The following MACROD2 variants were observed in gnomAD, a reference collection of about 807,000 sequenced individuals.
MACROD2 encodes the protein ADP-ribose glycohydrolase MACROD2.
MACROD2 carries 36 observed loss-of-function variants against 70.4 expected under a neutral mutation model. The observed-to-expected ratio is 0.51, with a 90% CI of 0.39 to 0.68. The LOEUF (loss-of-function observed/expected upper bound fraction) is 0.68, where lower values mean the gene tolerates loss of function less well. MACROD2 is among the 30% of genes least tolerant of loss of function. MACROD2 has a pLI of 0.00. For missense variants in MACROD2, 496 were observed against 538.4 expected, an observed-to-expected ratio of 0.92 and a Z score of 0.78; for synonymous variants, 172 against 178.8, an observed-to-expected ratio of 0.96 and a Z score of 0.30.
chr20:14,735,391 C>T (rs184413230), intron 5 of MACROD2, among the ~76,000 whole-genome samples: 4 of 152,256 alleles, frequency 2.6e-5, no homozygotes, highest in Admixed American at 6.5e-5. Flanking sequence ...CATGAACAGG[C>T]GTCCACACTG....
At position 14,912,514 on chromosome 20, in the gene MACROD2, G is replaced by A. The variant is rs181767030; in HGVS notation, c.418+227555G>A. Among the ~76,000 whole-genome samples the A allele has an allele frequency of 5.9e-5, 9 of 152,204 alleles. No individual in the cohort carries two copies. In the East Asian group the frequency reaches 1.7e-3, roughly 29 times the overall value. On this transcript the variant is annotated intron_variant, in intron 5 of 17. Transcript: ENST00000684519. ...GGGGCATGCCAGCTAGTCTTCAAGG[G>A]AATTTTCTAGTATTTCTCCTAACAC...
At chr20:15,884,942 C>G (rs771620997) in intron 9 of MACROD2, among the ~76,000 whole-genome samples, 1 of 151,982 alleles carries the variant, frequency 6.6e-6, no homozygotes, top group Non-Finnish European at 1.5e-5. Context: ...TCTCTTAGGT[C>G]TCTTTTATAA....
intron 3 of MACROD2, among the ~76,000 whole-genome samples, chr20:14,311,312 A>G (rs551424501): frequency 2.2e-4 from 34 of 152,306 alleles, no homozygotes; most frequent in African/African-American, 6.3e-4. Context: ...CTGTGTTACA[A>G]TTGCTTACAG....
chr20:14,770,026 A>AT (rs1454438167), intron 5 of MACROD2, among the ~76,000 whole-genome samples: 1 of 152,016 alleles, frequency 6.6e-6, no homozygotes, highest in Non-Finnish European at 1.5e-5. Context: ...ATTTCATGAA[A>AT]TTCTAAATAA....
chr20:14,059,445 A>G (rs1038208548), intron 2 of MACROD2, among the ~76,000 whole-genome samples: 1 of 152,180 alleles, frequency 6.6e-6, no homozygotes, highest in Non-Finnish European at 1.5e-5. Context: ...TAGGTAAATA[A>G]GATGCTTTAA....
At chr20:15,190,486 A>G (rs2076563329) in intron 5 of MACROD2, among the ~76,000 whole-genome samples, 1 of 152,194 alleles carries the variant, frequency 6.6e-6, no homozygotes. Flanking sequence ...CGTTTAGAAA[A>G]TATGTATAGG....
At chr20:15,224,829 G>T (rs1293727163) in intron 5 of MACROD2, among the ~76,000 whole-genome samples, 1 of 151,788 alleles carries the variant, frequency 6.6e-6, no homozygotes, top group African/African-American at 2.4e-5. Flanking sequence ...GTGTGATGGT[G>T]CATGCCTGTA....
intron 6 of MACROD2, among the ~76,000 whole-genome samples, chr20:15,403,738 T>C (rs1013727185): frequency 2.0e-5 from 3 of 152,202 alleles, no homozygotes; most frequent in African/African-American, 7.2e-5. Flanking sequence ...TTCATCTTCT[T>C]GCTTGGAACT....
chr20:15,336,051 A>G (rs189507073), intron 6 of MACROD2, among the ~76,000 whole-genome samples: 2 of 151,796 alleles, frequency 1.3e-5, no homozygotes, highest in Admixed American at 6.6e-5. Context: ...AGGGTTGAAA[A>G]TACATTTTCT....
chr20:15,767,625 G>C (rs1315103873), intron 8 of MACROD2, among the ~76,000 whole-genome samples: 1 of 152,156 alleles, frequency 6.6e-6, no homozygotes, highest in Non-Finnish European at 1.5e-5. Context: ...CTGTTTTCTA[G>C]AGTATGAAGT....
At chr20:15,440,426 A>C (rs1370455469) in intron 7 of MACROD2, among the ~76,000 whole-genome samples, 1 of 152,134 alleles carries the variant, frequency 6.6e-6, no homozygotes, top group Non-Finnish European at 1.5e-5. Context: ...GCTATCCACC[A>C]CATGCTGGCA....
At chr20:14,346,280 A>C (rs2083063623) in intron 3 of MACROD2, among the ~76,000 whole-genome samples, 1 of 152,020 alleles carries the variant, frequency 6.6e-6, no homozygotes, top group Non-Finnish European at 1.5e-5. Flanking sequence ...AAACATAAAC[A>C]CTACAAGACG....
intron 5 of MACROD2, among the ~76,000 whole-genome samples, chr20:14,863,168 A>G (rs886742315): frequency 6.6e-6 from 1 of 152,080 alleles, no homozygotes; most frequent in Non-Finnish European, 1.5e-5. Context: ...TCACTAGACA[A>G]CTGTAGGAAG....
chr20:15,143,849 A>G (rs2076210222), intron 5 of MACROD2, among the ~76,000 whole-genome samples: 2 of 151,602 alleles, frequency 1.3e-5, no homozygotes, highest in South Asian at 4.2e-4. Context: ...TTCACTAGAG[A>G]AGGGGTGTTC....
At chr20:15,867,472 C>T (rs1317083267) in intron 9 of MACROD2, among the ~76,000 whole-genome samples, 1 of 152,122 alleles carries the variant, frequency 6.6e-6, no homozygotes, top group Middle Eastern at 3.2e-3. Context: ...ATGGAATTAT[C>T]ATACACTTTG....
intron 8 of MACROD2, among the ~76,000 whole-genome samples, chr20:15,743,995 C>T (rs917772834): frequency 3.3e-5 from 5 of 152,130 alleles, no homozygotes; most frequent in African/African-American, 1.2e-4. Context: ...AGCACCCCAG[C>T]GTCCTGGCCA....
chr20:15,531,943 T>C (rs1201646238), intron 8 of MACROD2, among the ~76,000 whole-genome samples: 1 of 152,170 alleles, frequency 6.6e-6, no homozygotes, highest in African/African-American at 2.4e-5. Flanking sequence ...TTCGTGTGTC[T>C]TTTGCAAATT....
intron 5 of MACROD2, among the ~76,000 whole-genome samples, chr20:14,715,016 C>G (rs1174879938): frequency 6.6e-6 from 1 of 152,160 alleles, no homozygotes; most frequent in Non-Finnish European, 1.5e-5. Context: ...AGTCCATTCT[C>G]ATGCTGCTAA....
chr20:14,818,639 G>C (rs1212094283), intron 5 of MACROD2, among the ~76,000 whole-genome samples: 1 of 151,864 alleles, frequency 6.6e-6, no homozygotes, highest in Admixed American at 6.6e-5. Context: ...CTAGCATATA[G>C]CATGCATGCA....
Sources: allele counts gnomAD v4.1 joint callset (sites outside exome capture counted in the v4.1 genomes callset), GRCh38; gene constraint gnomAD v4.1.1; transcripts MANE v1.5; gene names NCBI Gene and HGNC (gene_info 2026-07-23, HGNC 2026-07-21).